CENPM: variants seen among roughly 807,000 people sequenced by gnomAD.
The protein encoded by CENPM is centromere protein M.
Under a neutral mutation model 19.6 loss-of-function variants are expected in CENPM, and 14 were observed. The ratio of observed to expected loss-of-function variants is 0.71; its 90% confidence interval spans 0.47 to 1.11. The LOEUF is 1.11. CENPM is among the 50% of genes most tolerant of loss of function. CENPM has a pLI of 0.00. For synonymous variants in CENPM, 114 were observed against 101.5 expected (o/e 1.12, Z -0.74); for missense variants, 239 against 228.4 (o/e 1.05, Z -0.30).
chr22:41,938,262 C>A (rs746889373), downstream of CENPM, among the ~76,000 whole-genome samples: 17 of 151,880 alleles, frequency 1.1e-4, no homozygotes, highest in Non-Finnish European at 1.6e-4. Flanking sequence ...CTGCTTCAGC[C>A]TCCCGAGTAG....
At chr22:41,944,890 G>C (rs2077781122) in intron 4 of CENPM, 2 of 1,119,958 alleles carry the variant, frequency 1.8e-6, no homozygotes, top group Non-Finnish European at 2.2e-6. Flanking sequence ...CTGACAACAG[G>C]TCAGATTCCA....
chr22:41,937,368 T>G (rs1334425187), downstream of CENPM, among the ~76,000 whole-genome samples: 1 of 152,188 alleles, frequency 6.6e-6, no homozygotes, highest in East Asian at 1.9e-4. Context: ...CGATCTCAGC[T>G]CACTGCAACC....
the CENPM span, chr22:41,928,123 C>A: frequency 2.6e-6 from 1 of 384,280 alleles, no homozygotes; most frequent in Admixed American, 3.0e-5. The surrounding 1 kb of genome is among the most constrained non-coding windows in gnomAD (Gnocchi z 4.0). Context: ...GGCTGGGGGA[C>A]ACGAGGGAGC....
intron 5 of CENPM, among the ~76,000 whole-genome samples, chr22:41,941,483 C>A (rs2077738154): frequency 1.3e-5 from 2 of 152,216 alleles, no homozygotes; most frequent in Admixed American, 6.5e-5. Context: ...CAGAATTACA[C>A]CACTTGTCAC....
chr22:41,934,814 A>T (rs976268607), downstream of CENPM, among the ~76,000 whole-genome samples: 1 of 152,190 alleles, frequency 6.6e-6, no homozygotes, highest in African/African-American at 2.4e-5. Context: ...GCCACCAAGC[A>T]AGCAGCCAAG....
the CENPM span, among the ~76,000 whole-genome samples, chr22:41,929,998 C>T: frequency 2.4e-5 from 3 of 125,872 alleles, no homozygotes; most frequent in Admixed American, 1.0e-4. Flanking sequence ...GGCTGGAGTG[C>T]AGTGGCGCAA....
chr22:41,928,225 T>A, the CENPM span: 1 of 362,532 alleles, frequency 2.8e-6, no homozygotes, highest in Non-Finnish European at 5.5e-6. The surrounding 1 kb of genome is among the most constrained non-coding windows in gnomAD (Gnocchi z 4.0). Context: ...CCACACCTGC[T>A]CCTTTTCTCC....
At chr22:41,936,676 C>T (rs1292413649), downstream of CENPM, among the ~76,000 whole-genome samples, 9 of 152,218 alleles carry the variant, frequency 5.9e-5, no homozygotes, top group Non-Finnish European at 1.5e-5. Flanking sequence ...CACCTGTAAT[C>T]CCAGCACTTT....
intron 4 of CENPM, 36 bp from the exon 5 acceptor site, chr22:41,943,737 C>CT (rs1391412755): frequency 3.2e-6 from 5 of 1,581,472 alleles, no homozygotes; most frequent in Non-Finnish European, 4.3e-6. Flanking sequence ...GCTGCAATCT[C>CT]TACCTTCCTG....
the CENPM span, among the ~76,000 whole-genome samples, chr22:41,927,410 T>A: frequency 6.6e-6 from 1 of 151,842 alleles, no homozygotes; most frequent in African/African-American, 2.4e-5. Context: ...CCAAAGCCTC[T>A]CCATGACCCC....
At chr22:41,930,377 G>A in the CENPM span, among the ~76,000 whole-genome samples, 16 of 151,198 alleles carry the variant, frequency 1.1e-4, no homozygotes, top group African/African-American at 2.2e-4. Context: ...CTACAGGCAC[G>A]GGCCACCATG....
At chr22:41,932,260 C>T in the CENPM span, among the ~76,000 whole-genome samples, 1 of 152,176 alleles carries the variant, frequency 6.6e-6, no homozygotes, top group African/African-American at 2.4e-5. The surrounding 1 kb of genome is among the most constrained non-coding windows in gnomAD (Gnocchi z 4.3). Flanking sequence ...CCCCCACAAA[C>T]AAGTACAATG....
downstream of CENPM, among the ~76,000 whole-genome samples, chr22:41,936,503 G>A (rs2077684351): frequency 6.6e-6 from 1 of 152,212 alleles, no homozygotes. Flanking sequence ...GGTGGGGCCT[G>A]AGCTAAGTTC....
chr22:41,939,125 G>C lies in CENPM; in HGVS notation c.474C>G (p.Pro158=), dbSNP rs569652175. 1.2e-6 allele frequency: 2 copies of C among 1,612,796 alleles called. No individual in the cohort carries two copies. The highest frequency in any genetic ancestry group is 2.2e-5 in the East Asian group (1 of 44,898). The change falls in exon 6 of 6, where the codon CCC becomes CCG. Residue 158 remains proline (P), a synonymous_variant. Transcript: ENST00000215980. ...ACAGCAGGTTCAGAGCTGAGACACCGGGCACGTGGCCAGCACAGATCTGCA... is the reference window on the plus strand; with the variant it reads ...ACAGCAGGTTCAGAGCTGAGACACCCGGCACGTGGCCAGCACAGATCTGCA... ...RVLQICAGHV[P]GVSALNLLSL...
intron 3 of CENPM, 75 bp downstream of exon 3, chr22:41,945,838 A>G: frequency 1.7e-6 from 2 of 1,204,222 alleles, no homozygotes; most frequent in Non-Finnish European, 2.4e-6. Flanking sequence ...TCCCATCACA[A>G]GTTAGGTCAC....
the CENPM span, among the ~76,000 whole-genome samples, chr22:41,928,014 G>C: frequency 6.6e-6 from 1 of 152,186 alleles, no homozygotes; most frequent in African/African-American, 2.4e-5. The surrounding 1 kb of genome is among the most constrained non-coding windows in gnomAD (Gnocchi z 4.0). Context: ...AGGCCAAAGG[G>C]GAGCAAAGGC....
downstream of CENPM, among the ~76,000 whole-genome samples, chr22:41,937,535 T>C (rs1439039617): frequency 1.3e-5 from 2 of 152,190 alleles, no homozygotes; most frequent in African/African-American, 4.8e-5. Context: ...GCTCAGGCAA[T>C]CCGCCCGCCT....
At chr22:41,931,859 T>C in the CENPM span, among the ~76,000 whole-genome samples, 4 of 152,348 alleles carry the variant, frequency 2.6e-5, no homozygotes, top group African/African-American at 7.2e-5. Flanking sequence ...GTGAAACTGC[T>C]CTGGGGCCTG....
At chr22:41,939,366 C>G (rs2077704755) in intron 5 of CENPM, among the ~76,000 whole-genome samples, 170 bp from the exon 6 acceptor site, 1 of 152,228 alleles carries the variant, frequency 6.6e-6, no homozygotes, top group Non-Finnish European at 1.5e-5. Context: ...CTCAGAGTAG[C>G]TTCCAACTGC....
Sources: gnomAD v4.1 joint callset for allele counts (sites outside exome capture counted in the v4.1 genomes callset) on GRCh38, gnomAD v4.1.1 for gene constraint, Gnocchi (gnomAD v3.1) non-coding constraint, MANE v1.5 for transcripts, NCBI Gene and HGNC (gene_info 2026-07-23, HGNC 2026-07-21) for gene names.